SAC3D1: variants seen among roughly 807,000 people sequenced by gnomAD.
SAC3D1 encodes SAC3 domain-containing protein 1.
A neutral mutation model predicts 12.7 loss-of-function variants in SAC3D1; 10 were observed. That is an observed-to-expected ratio of 0.79 (90% CI 0.49 to 1.34). SAC3D1 has a LOEUF of 1.34. SAC3D1 is among the 40% of genes most tolerant of loss of function. The pLI, the probability that SAC3D1 is intolerant of heterozygous loss-of-function variation, is 0.00. For missense variants in SAC3D1, 482 were observed against 531.1 expected (o/e 0.91, Z 0.91); for synonymous variants, 241 against 250.8 (o/e 0.96, Z 0.37).
Position 65,044,592 on chromosome 11 carries a change from C to T in SAC3D1, c.942C>T (p.Tyr314=), listed in dbSNP as rs370061643. The change falls in exon 2 of 2, where the codon TAC becomes TAT. Residue 314 remains tyrosine, a synonymous_variant. Transcript: ENST00000652489. The surrounding 1 kb of genome is among the most constrained non-coding windows in gnomAD (Gnocchi z 4.0). ...GAGTTGTGTTCCTGAGGGGTCGCTACGTGGAGGAAGGGCTACCGCCTGCCA... is the reference window on the plus strand; with the variant it reads ...GAGTTGTGTTCCTGAGGGGTCGCTATGTGGAGGAAGGGCTACCGCCTGCCA... ...EERVVFLRGR[Y]VEEGLPPAST... The T allele has an allele frequency of 1.4e-5, 23 of 1,613,920 alleles. No homozygotes were observed. Among genetic ancestry groups the T allele is most frequent in the South Asian group, 2.2e-5 (2 of 91,088 alleles).
In SAC3D1 at chr11:65,044,754, C is replaced by T. The variant is rs770873462; in HGVS notation, c.*27C>T. On this transcript the variant is annotated 3_prime_UTR_variant, in exon 2 of 2. Coordinates refer to ENST00000652489, the MANE Select transcript of SAC3D1 (RefSeq NM_013299.4). This position sits in a 1 kb window ranked among gnomAD's most constrained non-coding sequence, Gnocchi z 4.0. ...GAGGGAGCGTGAGCCTCCCAGAGCC[C>T]CAGGACTGGGCCAGAGCACTTAGGT... 3.1e-5 allele frequency: 50 copies of T among 1,602,076 alleles called. No homozygotes were observed. Among genetic ancestry groups the T allele is most frequent in the Non-Finnish European group, 4.3e-5 (50 of 1,173,472 alleles).
chr11:65,044,414 G>A lies in SAC3D1; in HGVS notation c.764G>A (p.Arg255Gln), dbSNP rs376933360. The change falls in exon 2 of 2, where the codon CGG (arginine) becomes CAG (glutamine). Residue 255 changes from arginine to glutamine, a missense_variant. Coordinates refer to ENST00000652489, the MANE Select transcript of SAC3D1 (RefSeq NM_013299.4). The surrounding 1 kb of genome is among the most constrained non-coding windows in gnomAD (Gnocchi z 4.0). ...CAGTGCCATGTGGGCCATGCCCGCCGGGAAGCCCTGGCCCGCTTCGCTCGT... is the reference window on the plus strand; with the variant it reads ...CAGTGCCATGTGGGCCATGCCCGCCAGGAAGCCCTGGCCCGCTTCGCTCGT... Reference protein sequence around the residue: ...AVQCHVGHARREALARFARAF... With the variant: ...AVQCHVGHARQEALARFARAF... 1.4e-5 allele frequency: 23 copies of A among 1,613,612 alleles called. No individual in the cohort carries two copies. The highest frequency in any genetic ancestry group is 1.0e-4 in the Admixed American group (6 of 60,014).
At position 65,044,687 on chromosome 11, in the gene SAC3D1, A is replaced by G; in HGVS notation, c.1037A>G (p.Glu346Gly). The change falls in exon 2 of 2, where the codon GAG (glutamate) becomes GGG (glycine). Residue 346 changes from glutamate to glycine, a missense_variant. Glu to Gly is a moderately conservative substitution (Grantham distance 98, BLOSUM62 -2). Around this residue, in one of 3 missense-constraint regions of SAC3D1, gnomAD observed 225 missense variants for 241.1 expected, o/e 0.93. Transcript: ENST00000652489. The surrounding 1 kb of genome is among the most constrained non-coding windows in gnomAD (Gnocchi z 4.0). ...RTLEEVVMAE[E>G]EDEGTDRPGS... Reference sequence around the variant, plus strand: ...CTGGAGGAGGTGGTCATGGCAGAGGAGGAAGATGAGGGCACGGACAGACCT... The same window carrying G: ...CTGGAGGAGGTGGTCATGGCAGAGGGGGAAGATGAGGGCACGGACAGACCT... The G allele has an allele frequency of 6.2e-7, 1 of 1,613,540 alleles. No individual in the cohort carries two copies. The highest frequency in any genetic ancestry group is 1.1e-5 in the South Asian group (1 of 91,084).
chr11:65,041,429 A>G lies in SAC3D1; in HGVS notation c.137A>G (p.Asp46Gly). The change falls in exon 1 of 2, where the codon GAT (aspartate) becomes GGT (glycine). Residue 46 changes from aspartate to glycine, a missense_variant. Coordinates refer to ENST00000652489, the MANE Select transcript of SAC3D1 (RefSeq NM_013299.4). ...TGCCGCCAGGACCCGCCCCGCGCGG[A>G]TCCGCAGCGCGCGGTGAAGGAGTAC... ...PGCRQDPPRA[D>G]PQRAVKEYSR... The G allele has an allele frequency of 6.7e-7, 1 of 1,503,472 alleles. No homozygotes were observed. Among genetic ancestry groups the G allele is most frequent in the South Asian group, 1.2e-5 (1 of 80,650 alleles). 93.1% of individuals were successfully genotyped at this position (1,503,472 alleles called of 1,614,324 possible).
chr11:65,043,220 C>T (rs1448584432), intron 1 of SAC3D1: 1 of 290,510 alleles, frequency 3.4e-6, no homozygotes, highest in Non-Finnish European at 7.0e-6. Context: ...GGTGAGGTGA[C>T]TTGCCTGTTG....
Position 65,044,359 on chromosome 11 carries a change from A to G in SAC3D1, c.709A>G (p.Thr237Ala), listed in dbSNP as rs565115016. The G allele has an allele frequency of 1.2e-6, 2 of 1,613,238 alleles. No homozygotes were observed. The highest frequency in any genetic ancestry group is 1.7e-6 in the Non-Finnish European group (2 of 1,179,958). Residue 237 changes from threonine to alanine, a missense_variant, in exon 2 of 2, where the codon ACC becomes GCC. By Grantham distance (58) the Thr-to-Ala change is moderately conservative. Around this residue, in one of 3 missense-constraint regions of SAC3D1, gnomAD observed 225 missense variants for 241.1 expected, o/e 0.93. Transcript: ENST00000652489. The surrounding 1 kb of genome is among the most constrained non-coding windows in gnomAD (Gnocchi z 4.0). ...NAARLFRLLQ[T>A]LPYLPSCAVQ... ...TGCCCGCCTGTTCCGTCTGCTCCAG[A>G]CCCTGCCCTACCTGCCAAGTTGCGC... is the stretch of plus-strand genomic sequence containing the variant.
Position 65,044,788 on chromosome 11 carries a change from C to G in SAC3D1, c.*61C>G. 6.5e-7 allele frequency: 1 copy of G among 1,529,842 alleles called. No individual in the cohort carries two copies. The highest frequency in any genetic ancestry group is 8.8e-7 in the Non-Finnish European group (1 of 1,140,378). The allele number at this position is 1,529,842 out of a possible 1,614,324, so 94.8% of individuals were successfully genotyped here. ...GGCCAGAGCACTTAGGTTTCTTTTTCCATGGTTTCCAGGTAATAAAAGGAA... is the reference window on the plus strand; with the variant it reads ...GGCCAGAGCACTTAGGTTTCTTTTTGCATGGTTTCCAGGTAATAAAAGGAA... On this transcript the variant is annotated 3_prime_UTR_variant, in exon 2 of 2. Coordinates refer to ENST00000652489, the MANE Select transcript of SAC3D1 (RefSeq NM_013299.4). The surrounding 1 kb of genome is among the most constrained non-coding windows in gnomAD (Gnocchi z 4.0).
intron 1 of SAC3D1, chr11:65,043,038 C>A (rs932604687): frequency 2.5e-5 from 11 of 447,400 alleles, no homozygotes; most frequent in African/African-American, 1.6e-4. Context: ...TGGGATCTCG[C>A]ATGTTGCCAC....
chr11:65,041,273 C>G lies in SAC3D1; in HGVS notation c.-20C>G, dbSNP rs1022530979. ...CGTCCCCGGGATGCTGAGCGCCCAC[C>G]GTCTCCCCGCAGCCCCCTCATGCCC... is the stretch of plus-strand genomic sequence containing the variant. On this transcript the variant is annotated 5_prime_UTR_variant, in exon 1 of 2. Transcript: ENST00000652489. 6.7e-7 allele frequency: 1 copy of G among 1,491,460 alleles called. No individual in the cohort carries two copies. Among genetic ancestry groups the G allele is most frequent in the Non-Finnish European group, 8.9e-7 (1 of 1,128,454 alleles). The allele number at this position is 1,491,460 out of a possible 1,614,324, so 92.4% of individuals were successfully genotyped here. A position where few individuals can be genotyped will look rare whatever the true frequency, so the allele number is the denominator to read the frequency against.
intron 1 of SAC3D1, among the ~76,000 whole-genome samples, chr11:65,043,702 C>T (rs1187342571): frequency 6.9e-6 from 1 of 145,254 alleles, no homozygotes; most frequent in Non-Finnish European, 1.5e-5. Context: ...ACTTATTGGT[C>T]AGAAGCCCCA....
At chr11:65,043,710 C>G (rs1053113454) in intron 1 of SAC3D1, among the ~76,000 whole-genome samples, 1 of 150,254 alleles carries the variant, frequency 6.7e-6, no homozygotes, top group East Asian at 1.9e-4. Flanking sequence ...GTCAGAAGCC[C>G]CAGTTTACAA....
rs1270124007 is a variant in SAC3D1 at position 65,041,368 on chromosome 11, G to A, written c.76G>A (p.Glu26Lys). The change falls in exon 1 of 2, where the codon GAG becomes AAG. Residue 26 changes from glutamate (E) to lysine (K), a missense_variant. Glu to Lys is a moderately conservative substitution (Grantham distance 56, BLOSUM62 1). Around this residue, in one of 3 missense-constraint regions of SAC3D1, gnomAD observed 197 missense variants for 183.2 expected, o/e 1.08. Transcript: ENST00000652489. ...PAAERAQRER[E>K]HRLHRLEVVP... ...CGCCGAGCGCGCCCAGCGCGAAAGG[G>A]AGCACCGCCTGCACCGCTTGGAGGT... 1 of 1,510,832 alleles carries A rather than the reference G, an allele frequency of 6.6e-7. No homozygotes were observed. The highest frequency in any genetic ancestry group is 8.8e-7 in the Non-Finnish European group (1 of 1,136,784). 93.6% of individuals were successfully genotyped at this position (1,510,832 alleles called of 1,614,324 possible).
At chr11:65,042,182 C>T (rs576279652) in intron 1 of SAC3D1, among the ~76,000 whole-genome samples, 15 of 152,028 alleles carry the variant, frequency 9.9e-5, no homozygotes, top group African/African-American at 3.6e-4. Flanking sequence ...ACTGCAACCT[C>T]CGCCTCCCTG....
chr11:65,043,263 A>C, intron 1 of SAC3D1: 1 of 190,642 alleles, frequency 5.2e-6, no homozygotes, highest in South Asian at 6.5e-5. Flanking sequence ...TAGTGGCAGG[A>C]CCATGATTTT....
chr11:65,044,382 C>T lies in SAC3D1; in HGVS notation c.732C>T (p.Cys244=), dbSNP rs376407450. 9.8e-4 allele frequency: 1,585 copies of T among 1,613,482 alleles called. No individual in the cohort carries two copies. The highest frequency in any genetic ancestry group is 1.3e-3 in the Non-Finnish European group (1,476 of 1,180,040). ...AGACCCTGCCCTACCTGCCAAGTTGCGCTGTGCAGTGCCATGTGGGCCATG... is the reference window on the plus strand; with the variant it reads ...AGACCCTGCCCTACCTGCCAAGTTGTGCTGTGCAGTGCCATGTGGGCCATG... ...LLQTLPYLPS[C]AVQCHVGHAR... The change falls in exon 2 of 2, where the codon TGC becomes TGT. Residue 244 remains cysteine, a synonymous_variant. Transcript: ENST00000652489. The surrounding 1 kb of genome is among the most constrained non-coding windows in gnomAD (Gnocchi z 4.0).
At position 65,041,501 on chromosome 11, in the gene SAC3D1, G is replaced by A; in HGVS notation, c.209G>A (p.Arg70His). The A allele has an allele frequency of 2.0e-6, 3 of 1,466,936 alleles. No individual in the cohort carries two copies. Among genetic ancestry groups the A allele is most frequent in the South Asian group, 1.3e-5 (1 of 76,024 alleles). 90.9% of individuals were successfully genotyped at this position (1,466,936 alleles called of 1,614,324 possible). A position where few individuals can be genotyped will look rare whatever the true frequency, so the allele number is the denominator to read the frequency against. Residue 70 changes from arginine (R) to histidine (H), a missense_variant, in exon 1 of 2, where the codon CGT becomes CAT. Arg to His is a conservative substitution (Grantham distance 29, BLOSUM62 0). Transcript: ENST00000652489. ...CCCCGGCCCCCGCCCAGCCAGTTGC[G>A]TCCGCCCTCCGTGCTGCTGGCCACC... ...GKPRPPPSQL[R>H]PPSVLLATVR...
upstream of SAC3D1, chr11:65,040,938 T>G: frequency 6.2e-6 from 2 of 320,292 alleles, no homozygotes; most frequent in Non-Finnish European, 5.8e-6. Context: ...ACTACACCGG[T>G]GTATCATGGG....
rs1312186108 is a variant in SAC3D1, at chr11:65,041,642, C to T, written c.350C>T (p.Ala117Val). 1.4e-6 allele frequency: 2 copies of T among 1,445,058 alleles called. No homozygotes were observed. The highest frequency in any genetic ancestry group is 1.3e-5 in the South Asian group (1 of 74,302). The allele number at this position is 1,445,058 out of a possible 1,614,324, so 89.5% of individuals were successfully genotyped here. Residue 117 changes from alanine (A) to valine (V), a missense_variant, in exon 1 of 2, where the codon GCG (alanine) becomes GTG (valine). Ala to Val is a moderately conservative substitution (Grantham distance 64, BLOSUM62 0). Transcript: ENST00000652489. The stretch of plus-strand genomic sequence containing the variant: ...CTCCTGGACCTGGCGCTGCAGGGAG[C>T]GGGCGACGCCGAGGCAGCTGTGGTG... ...AVLLDLALQG[A>V]GDAEAAVVLE...
Position 65,041,883 on chromosome 11 carries a change from G to T in SAC3D1, c.574+17G>T, listed in dbSNP as rs1311575689. The T allele has an allele frequency of 2.8e-6, 4 of 1,421,022 alleles. No individual in the cohort carries two copies. The highest frequency in any genetic ancestry group is 3.7e-6 in the Non-Finnish European group (4 of 1,094,902). 88.0% of individuals were successfully genotyped at this position (1,421,022 alleles called of 1,614,324 possible). A position where few individuals can be genotyped will look rare whatever the true frequency, so the allele number is the denominator to read the frequency against. ...ATAACCTGGGTGAGTCGGGATCCTG[G>T]CGGCTGGGCAGAGCGTGGGGACAGG... On this transcript the variant is annotated intron_variant, in intron 1 of 1. Transcript: ENST00000652489.
Sources: allele counts gnomAD v4.1 joint callset (sites outside exome capture counted in the v4.1 genomes callset), GRCh38; gene constraint gnomAD v4.1.1; regional missense constraint gnomAD v4.1.1; non-coding constraint Gnocchi (gnomAD v3.1); transcripts MANE v1.5; gene names NCBI Gene and HGNC (gene_info 2026-07-23, HGNC 2026-07-21).